CALN1: variants seen among roughly 807,000 people sequenced by gnomAD.
The protein encoded by CALN1 is calneuron 1.
CALN1 carries 17 observed loss-of-function variants against 30.6 expected under a neutral mutation model. The ratio of observed to expected loss-of-function variants is 0.56; its 90% CI spans 0.38 to 0.83. The LOEUF is 0.83. CALN1 is among the 40% of genes least tolerant of loss of function. The pLI is 0.00. For synonymous variants in CALN1, 156 were observed against 131.4 expected, an observed-to-expected ratio of 1.19 and a Z score of -1.28; for missense variants, 291 against 354.9, an observed-to-expected ratio of 0.82 and a Z score of 1.45.
At chr7:71,920,365 T>C (rs1794881345) in intron 5 of CALN1, among the ~76,000 whole-genome samples, 1 of 145,370 alleles carries the variant, frequency 6.9e-6, no homozygotes, top group African/African-American at 2.6e-5. Flanking sequence ...AGATGGAGTC[T>C]TGCTCTGTCA....
intron 5 of CALN1, among the ~76,000 whole-genome samples, chr7:71,891,334 T>C (rs913539006): frequency 6.6e-6 from 1 of 152,208 alleles, no homozygotes; most frequent in Non-Finnish European, 1.5e-5. Flanking sequence ...TGCTTCCCAA[T>C]TGCTTTTCAG....
chr7:71,837,470 G>C (rs1381727658), intron 5 of CALN1, among the ~76,000 whole-genome samples: 1 of 152,164 alleles, frequency 6.6e-6, no homozygotes, highest in Non-Finnish European at 1.5e-5. Context: ...GGATACAACA[G>C]AGAGATTCCA....
rs1182945249 is a variant in CALN1 at position 72,412,106 on chromosome 7, T to G, written c.-122A>C. 1 of 152,394 alleles carries G rather than the reference T, an allele frequency of 6.6e-6. No homozygotes were observed. Among genetic ancestry groups the G allele is most frequent in the Non-Finnish European group, 1.5e-5 (1 of 68,112 alleles). The allele number at this position is 152,394 out of a possible 1,614,324, so 9.4% of individuals were successfully genotyped here. A position where few individuals can be genotyped will look rare whatever the true frequency, so the allele number is the denominator to read the frequency against. ...TGCTGGGTTGTTGGTCTCGCCGACTTTAAGAATAAAACCACGGACCTCGCG... is the reference window on the plus strand; with the variant it reads ...TGCTGGGTTGTTGGTCTCGCCGACTGTAAGAATAAAACCACGGACCTCGCG... On this transcript the variant is annotated 5_prime_UTR_variant, in exon 1 of 7. Transcript: ENST00000395275.
At chr7:72,015,704 A>G (rs1434353901) in intron 5 of CALN1, among the ~76,000 whole-genome samples, 1 of 152,064 alleles carries the variant, frequency 6.6e-6, no homozygotes, top group African/African-American at 2.4e-5. Context: ...TCTGCCTCCT[A>G]AAGTGCTGGG....
intron 5 of CALN1, among the ~76,000 whole-genome samples, chr7:71,851,375 C>A (rs1469358037): frequency 3.3e-5 from 5 of 151,606 alleles, no homozygotes; most frequent in Non-Finnish European, 7.4e-5. Context: ...AAAAATTAGC[C>A]AGGCATGGTG....
intron 5 of CALN1, among the ~76,000 whole-genome samples, chr7:71,967,639 A>AGAAG (rs1554399063): frequency 7.0e-6 from 1 of 142,654 alleles, no homozygotes; most frequent in African/African-American, 2.7e-5. Flanking sequence ...AAAAAAAAAA[A>AGAAG]AAAGAAAGAA....
chr7:72,107,299 C>T (rs1436563372), intron 3 of CALN1, among the ~76,000 whole-genome samples: 1 of 152,232 alleles, frequency 6.6e-6, no homozygotes, highest in Non-Finnish European at 1.5e-5. Context: ...AAAGCTCTTC[C>T]AGCCTCATAG....
At chr7:72,359,462 T>C (rs1469279602) in intron 2 of CALN1, among the ~76,000 whole-genome samples, 1 of 152,210 alleles carries the variant, frequency 6.6e-6, no homozygotes, top group East Asian at 1.9e-4. Flanking sequence ...ACTGTACACA[T>C]TGTTCTCTAC....
intron 4 of CALN1, among the ~76,000 whole-genome samples, chr7:72,048,567 C>A (rs904233870): frequency 2.3e-4 from 35 of 152,112 alleles, no homozygotes; most frequent in African/African-American, 8.2e-4. Flanking sequence ...ATATACTCCT[C>A]TGTTATGTTA....
At position 71,923,575 on chromosome 7, in the gene CALN1, C is replaced by T. The variant is rs138668170; in HGVS notation, c.501+100082G>A. On this transcript the variant is annotated intron_variant, in intron 5 of 6. Coordinates refer to ENST00000395275, the MANE Select transcript of CALN1 (RefSeq NM_031468.4). ...TGCAGCCAGCACTTTCCTGTTTTCCCGGTGCATTCTTGTGATTACCTAATT... is the reference window on the plus strand; with the variant it reads ...TGCAGCCAGCACTTTCCTGTTTTCCTGGTGCATTCTTGTGATTACCTAATT... Among the ~76,000 whole-genome samples the T allele has an allele frequency of 9.2e-4, 140 of 152,190 alleles. 1 individual carries two copies. In the East Asian group the frequency reaches 0.02, roughly 22 times the overall value.
At chr7:72,343,150 G>C (rs887712697) in intron 2 of CALN1, among the ~76,000 whole-genome samples, 1 of 152,184 alleles carries the variant, frequency 6.6e-6, no homozygotes, top group African/African-American at 2.4e-5. Context: ...GAGTTGCAAG[G>C]ACCTTTGGAA....
chr7:72,301,389 C>T (rs1484501200), intron 2 of CALN1, among the ~76,000 whole-genome samples: 1 of 151,996 alleles, frequency 6.6e-6, no homozygotes, highest in African/African-American at 2.4e-5. Flanking sequence ...AGGTGTATCA[C>T]TTGAGGTCAG....
At chr7:72,484,243 A>AT in the CALN1 span, among the ~76,000 whole-genome samples, 1 of 146,970 alleles carries the variant, frequency 6.8e-6, no homozygotes, top group Non-Finnish European at 1.5e-5. Flanking sequence ...GATGCTGGCT[A>AT]TTTTTAAATT....
chr7:72,136,947 C>T (rs758850024), intron 3 of CALN1, among the ~76,000 whole-genome samples: 10 of 151,762 alleles, frequency 6.6e-5, no homozygotes, highest in African/African-American at 9.7e-5. Context: ...TCACTGATCA[C>T]GATGTAAGAA....
intron 5 of CALN1, among the ~76,000 whole-genome samples, chr7:71,969,166 C>T (rs1383369365): frequency 6.6e-6 from 1 of 152,082 alleles, no homozygotes; most frequent in Non-Finnish European, 1.5e-5. Context: ...CGTTTCAGCA[C>T]CAGAAATGGT....
Position 71,915,838 on chromosome 7 carries a change from T to A in CALN1, c.502-105346A>T, listed in dbSNP as rs894800359. 2.0e-5 allele frequency among the ~76,000 whole-genome samples: 3 copies of A among 152,194 alleles called. No homozygotes were observed. In the South Asian group the frequency reaches 6.2e-4, roughly 32 times the overall value. On this transcript the variant is annotated intron_variant, in intron 5 of 6. Coordinates refer to ENST00000395275, the MANE Select transcript of CALN1 (RefSeq NM_031468.4). The stretch of plus-strand genomic sequence containing the variant: ...TTAGTGGACCCAGTTTACAATTTCT[T>A]GAGAAAGAAAACCCATCCCTCCAAC...
chr7:72,051,025 T>C (rs977517031), intron 4 of CALN1, among the ~76,000 whole-genome samples: 9 of 150,132 alleles, frequency 6.0e-5, no homozygotes, highest in African/African-American at 1.7e-4. Context: ...AATAAATAAA[T>C]AAATAAATAA....
chr7:71,790,147 GAAGAAAGAGAAAGAA>G (rs1793242169), intron 6 of CALN1, among the ~76,000 whole-genome samples: 2 of 115,972 alleles, frequency 1.7e-5, no homozygotes, highest in African/African-American at 7.3e-5. Context: ...AAGAAAGAAA[GAAGAAAGAGAAAGAA>G]AAAGAAAAAG....
At chr7:72,005,871 T>C (rs1214746667) in intron 5 of CALN1, among the ~76,000 whole-genome samples, 1 of 152,034 alleles carries the variant, frequency 6.6e-6, no homozygotes, top group African/African-American at 2.4e-5. Flanking sequence ...AATAGCTTGA[T>C]TGTGGTGGTA....
Sources: gnomAD v4.1 joint callset for allele counts (sites outside exome capture counted in the v4.1 genomes callset) on GRCh38, gnomAD v4.1.1 for gene constraint, MANE v1.5 for transcripts, NCBI Gene and HGNC (gene_info 2026-07-23, HGNC 2026-07-21) for gene names.